The following ADAMTS6 variants were observed in gnomAD, a reference collection of about 807,000 sequenced individuals.
The protein encoded by ADAMTS6 is A disintegrin and metalloproteinase with thrombospondin motifs 6.
In ADAMTS6, 23 loss-of-function variants were observed where a neutral mutation model predicts 144.3. The observed-to-expected ratio is 0.16, with a 90% confidence interval of 0.11 to 0.23. ADAMTS6 has a LOEUF of 0.23. Ranked by LOEUF, ADAMTS6 falls within the 10% of genes least tolerant of loss-of-function variation. The probability of loss-of-function intolerance (pLI) is 1.00; values close to 1 mark genes in which losing one functional copy is unlikely to be tolerated. For missense variants in ADAMTS6, 999 were observed against 1,379.6 expected, an observed-to-expected ratio of 0.72 and a Z score of 4.37; for synonymous variants, 444 against 457.5, an observed-to-expected ratio of 0.97 and a Z score of 0.38.
chr5:65,153,404 C>A (rs902019382), intron 24 of ADAMTS6, among the ~76,000 whole-genome samples: 5 of 152,196 alleles, frequency 3.3e-5, no homozygotes, highest in African/African-American at 1.2e-4. Context: ...CACTTAACCT[C>A]TTTGTGCTTA....
intron 7 of ADAMTS6, among the ~76,000 whole-genome samples, chr5:65,441,476 C>G (rs1757848413): frequency 6.6e-6 from 1 of 151,886 alleles, no homozygotes; most frequent in Admixed American, 6.6e-5. Context: ...CTCACTGACC[C>G]CAAACATGAT....
chr5:65,250,832 T>C (rs1390184322), intron 14 of ADAMTS6, among the ~76,000 whole-genome samples: 1 of 152,236 alleles, frequency 6.6e-6, no homozygotes, highest in Admixed American at 6.5e-5. Context: ...AAAGTCCTTT[T>C]CATAGTAGCT....
At chr5:65,260,501 C>T in intron 14 of ADAMTS6, 99 bp downstream of exon 14, 1 of 900,014 alleles carries the variant, frequency 1.1e-6, no homozygotes, top group Non-Finnish European at 1.7e-6. Flanking sequence ...GACCTTCACA[C>T]ACATGTATTT....
At chr5:65,166,105 A>G (rs1245645122) in intron 24 of ADAMTS6, among the ~76,000 whole-genome samples, 1 of 141,888 alleles carries the variant, frequency 7.0e-6, no homozygotes, top group African/African-American at 2.6e-5. Context: ...TAAAGAGTCA[A>G]GACCCATCAG....
At chr5:65,403,115 T>C (rs907739184) in intron 7 of ADAMTS6, among the ~76,000 whole-genome samples, 1 of 152,158 alleles carries the variant, frequency 6.6e-6, no homozygotes, top group African/African-American at 2.4e-5. Context: ...AGTCATCTGA[T>C]ATAGATGATG....
At chr5:65,177,545 C>A (rs553167656) in intron 22 of ADAMTS6, among the ~76,000 whole-genome samples, 1 of 152,108 alleles carries the variant, frequency 6.6e-6, no homozygotes, top group Non-Finnish European at 1.5e-5. Context: ...AGGATTCTTG[C>A]CCCCCAATGT....
At chr5:65,185,473 C>T (rs559506745) in intron 22 of ADAMTS6, among the ~76,000 whole-genome samples, 5 of 152,316 alleles carry the variant, frequency 3.3e-5, no homozygotes, top group African/African-American at 1.2e-4. Flanking sequence ...GAATTGTTTC[C>T]TGTCTGTGGA....
intron 14 of ADAMTS6, among the ~76,000 whole-genome samples, chr5:65,252,059 T>C (rs979013281): frequency 6.6e-6 from 1 of 152,206 alleles, no homozygotes; most frequent in African/African-American, 2.4e-5. Flanking sequence ...CTATGTTGAC[T>C]CTAGGTCCTA....
At chr5:65,263,366 T>G (rs903086264) in intron 12 of ADAMTS6, among the ~76,000 whole-genome samples, 3 of 150,252 alleles carry the variant, frequency 2.0e-5, no homozygotes, top group African/African-American at 7.4e-5. Context: ...TAACGCAATA[T>G]GGAAGGTTCC....
At chr5:65,467,302 T>C (rs1219771388) in intron 3 of ADAMTS6, among the ~76,000 whole-genome samples, 1 of 152,002 alleles carries the variant, frequency 6.6e-6, no homozygotes, top group African/African-American at 2.4e-5. Flanking sequence ...ATAATTTTTT[T>C]AATTTCTCTA....
chr5:65,434,917 A>C (rs1757276417), intron 7 of ADAMTS6, among the ~76,000 whole-genome samples: 2 of 152,222 alleles, frequency 1.3e-5, no homozygotes, highest in Admixed American at 1.3e-4. Context: ...AAGGAGACAG[A>C]TACAAAGATG....
Position 65,452,180 on chromosome 5 carries a change from C to T in ADAMTS6, c.880G>A (p.Val294Ile), listed in dbSNP as rs756721619. The change falls in exon 6 of 25, where the codon GTT (valine) becomes ATT (isoleucine). Residue 294 changes from valine (V) to isoleucine (I), a missense_variant. Transcript: ENST00000381055. ...KLYRDSSLGN[V>I]VNIIVARLIV... ...AAGCGGGCCACTATAATATTCACAA[C>T]GTTTCCTAGGCTGGAATCACGGTAA... 44 of 1,612,410 alleles carry T rather than the reference C, an allele frequency of 2.7e-5. No homozygotes were observed. The highest frequency in any genetic ancestry group is 1.1e-4 in the African/African-American group (8 of 74,868).
intron 14 of ADAMTS6, among the ~76,000 whole-genome samples, chr5:65,259,284 A>T (rs1760959142): frequency 1.3e-5 from 2 of 152,096 alleles, no homozygotes; most frequent in South Asian, 4.2e-4. Flanking sequence ...AAGGCAGGAG[A>T]ATTGCTTGAA....
chr5:65,390,292 A>T (rs1444345606), intron 7 of ADAMTS6, among the ~76,000 whole-genome samples: 2 of 152,204 alleles, frequency 1.3e-5, no homozygotes, highest in Admixed American at 1.3e-4. Flanking sequence ...CCTCCTGCCT[A>T]AACAGTTCAT....
intron 8 of ADAMTS6, among the ~76,000 whole-genome samples, chr5:65,331,600 T>C (rs1329788816): frequency 6.6e-6 from 1 of 152,056 alleles, no homozygotes; most frequent in Non-Finnish European, 1.5e-5. Context: ...TTATGTGTGA[T>C]TGTGTTAATG....
At chr5:65,250,945 TA>T (rs889266968) in intron 14 of ADAMTS6, among the ~76,000 whole-genome samples, 9 of 152,350 alleles carry the variant, frequency 5.9e-5, no homozygotes, top group African/African-American at 2.2e-4. Context: ...TTCACAACAC[TA>T]ACCTTTAACT....
chr5:65,356,137 C>A (rs961496868), intron 7 of ADAMTS6, among the ~76,000 whole-genome samples: 1 of 151,510 alleles, frequency 6.6e-6, no homozygotes, highest in Admixed American at 6.6e-5. Context: ...AAAAATGTTC[C>A]CCATTTTGAA....
chr5:65,316,042 G>T (rs1382287521), intron 9 of ADAMTS6, among the ~76,000 whole-genome samples: 1 of 152,128 alleles, frequency 6.6e-6, no homozygotes, highest in Non-Finnish European at 1.5e-5. Flanking sequence ...CTCCTGAGTA[G>T]CTGGGACTAC....
chr5:65,215,865 A>G (rs1230406255), intron 18 of ADAMTS6, among the ~76,000 whole-genome samples: 2 of 152,186 alleles, frequency 1.3e-5, no homozygotes, highest in Non-Finnish European at 2.9e-5. Context: ...AACCTGTTGC[A>G]CTTGGACACA....
Sources: gnomAD v4.1 joint callset for allele counts (sites outside exome capture counted in the v4.1 genomes callset) on GRCh38, gnomAD v4.1.1 for gene constraint, MANE v1.5 for transcripts, NCBI Gene and HGNC (gene_info 2026-07-23, HGNC 2026-07-21) for gene names.